HDAC4: variants seen among roughly 807,000 people sequenced by gnomAD.
The protein encoded by HDAC4 is histone deacetylase A.
Under a neutral mutation model 135.1 loss-of-function variants are expected in HDAC4, and 16 were observed. The ratio of observed to expected loss-of-function variants is 0.12; its 90% CI spans 0.08 to 0.18. The LOEUF is 0.18. HDAC4 is among the 10% of genes least tolerant of loss of function. The pLI, the probability that HDAC4 is intolerant of heterozygous loss-of-function variation, is 1.00. For synonymous variants in HDAC4, 685 were observed against 653.4 expected, an observed-to-expected ratio of 1.05 and a Z score of -0.74; for missense variants, 1,143 against 1,511.8, an observed-to-expected ratio of 0.76 and a Z score of 4.05.
At chr2:239,111,326 T>C (rs900343596) in intron 14 of HDAC4, among the ~76,000 whole-genome samples, 200 bp downstream of exon 14, 15 of 152,180 alleles carry the variant, frequency 9.9e-5, no homozygotes, top group African/African-American at 3.6e-4. Flanking sequence ...GTCCCCAGCA[T>C]GACAGAACTG....
chr2:239,350,557 A>G (rs1393096039), intron 2 of HDAC4, among the ~76,000 whole-genome samples: 1 of 152,070 alleles, frequency 6.6e-6, no homozygotes, highest in Non-Finnish European at 1.5e-5. Flanking sequence ...AGGCTGAAGT[A>G]CAGTGGCGCA....
At chr2:239,182,455 G>C (rs556669707) in intron 4 of HDAC4, among the ~76,000 whole-genome samples, 6 of 152,158 alleles carry the variant, frequency 3.9e-5, no homozygotes, top group Non-Finnish European at 8.8e-5. Flanking sequence ...AAGAATGAAA[G>C]CAACAACCAT....
rs149437901 is a variant in HDAC4 at position 239,250,960 on chromosome 2, T to C, written c.23-14296A>G. Among the ~76,000 whole-genome samples, 9 of 152,260 alleles carry C rather than the reference T, an allele frequency of 5.9e-5. No homozygotes were observed. In the East Asian group the frequency reaches 1.7e-3, roughly 29 times the overall value. ...TGTTCACGTGCCCCCGCCACACGCC[T>C]GGTTCACCTCGAGACCTGCATCAAC... On this transcript the variant is annotated intron_variant, in intron 2 of 26. Transcript: ENST00000543185.
chr2:239,322,605 G>T (rs775415168), intron 2 of HDAC4, among the ~76,000 whole-genome samples: 1 of 152,204 alleles, frequency 6.6e-6, no homozygotes, highest in Non-Finnish European at 1.5e-5. Flanking sequence ...ATGGGTGGGG[G>T]CTTTTCCTGT....
intron 2 of HDAC4, among the ~76,000 whole-genome samples, chr2:239,255,585 G>C (rs928294975): frequency 2.8e-4 from 43 of 152,008 alleles, no homozygotes; most frequent in Admixed American, 6.6e-4. Context: ...GAAATTGTAC[G>C]CACAGGCACC....
Position 239,225,610 on chromosome 2 carries a change from G to C in HDAC4, c.94+10983C>G, listed in dbSNP as rs957425421. 2.6e-5 allele frequency among the ~76,000 whole-genome samples: 4 copies of C among 152,350 alleles called. No homozygotes were observed. The South Asian group carries it at 8.3e-4, about 32-fold the overall frequency. ...GCCAGGAAGGCGGGGAAGGCAGGTC[G>C]GCAGGGGAGGGCAGGCCCGCCCAGG... On this transcript the variant is annotated intron_variant, in intron 3 of 26. Transcript: ENST00000543185.
chr2:239,351,145 C>T (rs1262214582), intron 2 of HDAC4, among the ~76,000 whole-genome samples: 3 of 152,142 alleles, frequency 2.0e-5, no homozygotes, highest in African/African-American at 4.8e-5. Flanking sequence ...TTTAAGTGCA[C>T]GGGCTCACTG....
intron 2 of HDAC4, among the ~76,000 whole-genome samples, chr2:239,250,880 C>T (rs1004817554): frequency 3.3e-5 from 5 of 152,192 alleles, no homozygotes; most frequent in Admixed American, 6.5e-5. Context: ...GGGCGGTTTT[C>T]CCTCACCCTT....
intron 3 of HDAC4, 53 bp downstream of exon 3, chr2:239,236,540 C>T: frequency 2.1e-6 from 3 of 1,411,410 alleles, no homozygotes; most frequent in Non-Finnish European, 2.9e-6. Context: ...GTCTGAACAC[C>T]TCTTTGGCTC....
chr2:239,109,997 G>A (rs913920265), intron 14 of HDAC4, among the ~76,000 whole-genome samples: 1 of 152,232 alleles, frequency 6.6e-6, no homozygotes. Context: ...AGCCAGCCAG[G>A]AGACCACGTG....
intron 2 of HDAC4, among the ~76,000 whole-genome samples, chr2:239,248,960 C>T (rs2048624192): frequency 1.3e-5 from 2 of 152,232 alleles, no homozygotes; most frequent in African/African-American, 4.8e-5. Flanking sequence ...CCCTGCACCC[C>T]AAACTTCCAC....
intron 1 of HDAC4, among the ~76,000 whole-genome samples, chr2:239,357,888 CAAAAAAAAAAAAAA>C (rs71043188): frequency 1.2e-3 from 67 of 55,658 alleles, no homozygotes; most frequent in African/African-American, 2.6e-3. Flanking sequence ...GCCTCTGTTC[CAAAAAAAAAAAAAA>C]AAAAAAAAAA....
chr2:239,221,147 G>A (rs2046928354), intron 3 of HDAC4, among the ~76,000 whole-genome samples: 1 of 152,168 alleles, frequency 6.6e-6, no homozygotes, highest in East Asian at 1.9e-4. Context: ...CTACATGAAG[G>A]AGAACCCTGT....
At chr2:239,177,067 T>C (rs2043821516) in intron 4 of HDAC4, among the ~76,000 whole-genome samples, 1 of 152,208 alleles carries the variant, frequency 6.6e-6, no homozygotes, top group Non-Finnish European at 1.5e-5. Flanking sequence ...CCAGCCTTGA[T>C]GCAACCCACA....
At chr2:239,365,996 G>A (rs945896716) in intron 1 of HDAC4, among the ~76,000 whole-genome samples, 23 of 150,734 alleles carry the variant, frequency 1.5e-4, no homozygotes, top group Non-Finnish European at 3.2e-4. Context: ...TCATGCATGT[G>A]GCACTGGTGG....
chr2:239,118,688 C>G (rs1238007934), intron 12 of HDAC4, among the ~76,000 whole-genome samples: 4 of 152,168 alleles, frequency 2.6e-5, no homozygotes, highest in African/African-American at 9.7e-5. Context: ...ATACAAGTAT[C>G]AAATCATCAC....
chr2:239,273,598 C>T (rs930384935), intron 2 of HDAC4, among the ~76,000 whole-genome samples: 26 of 152,168 alleles, frequency 1.7e-4, no homozygotes, highest in African/African-American at 6.3e-4. Context: ...AGCAGAACGC[C>T]CACGCCCCCA....
chr2:239,056,267 G>A (rs1028776372), intron 24 of HDAC4, among the ~76,000 whole-genome samples: 4 of 152,250 alleles, frequency 2.6e-5, no homozygotes, highest in Middle Eastern at 6.3e-3. Context: ...CCTGGGTCAG[G>A]AGGGATGATG....
At chr2:239,161,743 T>TCA (rs2042805734) in intron 6 of HDAC4, 2 of 396,616 alleles carry the variant, frequency 5.0e-6, no homozygotes, top group African/African-American at 4.2e-5. Flanking sequence ...GCCAAGACAC[T>TCA]CACCTTGAAC....
Sources: allele counts gnomAD v4.1 joint callset (sites outside exome capture counted in the v4.1 genomes callset), GRCh38; gene constraint gnomAD v4.1.1; transcripts MANE v1.5; gene names NCBI Gene and HGNC (gene_info 2026-07-23, HGNC 2026-07-21).